The following LYPLA1 variants were observed in gnomAD, a reference collection of about 807,000 sequenced individuals.
The protein encoded by LYPLA1 is lysophospholipase 1.
Under a neutral mutation model 34.0 loss-of-function variants are expected in LYPLA1, and 17 were observed. That is an observed-to-expected ratio of 0.50 (90% CI 0.34 to 0.75). The LOEUF (loss-of-function observed/expected upper bound fraction) is 0.75, where lower values mean the gene tolerates loss of function less well. Ranked by LOEUF, LYPLA1 falls within the 30% of genes least tolerant of loss-of-function variation. The pLI is 0.01. For synonymous variants in LYPLA1, 98 were observed against 100.8 expected (o/e 0.97, Z 0.17); for missense variants, 203 against 288.8 (o/e 0.70, Z 2.15).
At chr8:54,075,235 A>T (rs1353677591) in intron 2 of LYPLA1, among the ~76,000 whole-genome samples, 3 of 152,262 alleles carry the variant, frequency 2.0e-5, no homozygotes, top group Middle Eastern at 3.2e-3. Flanking sequence ...CTGCAAAGAC[A>T]GAAGCAGAAC....
chr8:54,101,606 G>T, intron 1 of LYPLA1, 149 bp downstream of exon 1: 1 of 1,149,526 alleles, frequency 8.7e-7, no homozygotes, highest in Non-Finnish European at 1.1e-6. Context: ...CGCGGACCCG[G>T]CCGCGCGGAC....
intron 2 of LYPLA1, among the ~76,000 whole-genome samples, chr8:54,092,613 A>G (rs1399731887): frequency 1.3e-5 from 2 of 152,198 alleles, no homozygotes; most frequent in Non-Finnish European, 1.5e-5. Flanking sequence ...GACTCCAACC[A>G]TATTAATATA....
intron 3 of LYPLA1, among the ~76,000 whole-genome samples, chr8:54,064,314 G>C (rs887619099): frequency 2.0e-5 from 3 of 152,176 alleles, no homozygotes; most frequent in Non-Finnish European, 4.4e-5. Context: ...CTACTTGGGA[G>C]GCTGAGGCAG....
chr8:54,096,655 C>A (rs61271559), intron 2 of LYPLA1, among the ~76,000 whole-genome samples: 58,158 of 151,588 alleles, frequency 0.38, 15,867 homozygotes, highest in East Asian at 0.74. Flanking sequence ...AGGCAGGAGA[C>A]TCACTTGAAC....
intron 6 of LYPLA1, among the ~76,000 whole-genome samples, chr8:54,054,066 T>C (rs1171427553): frequency 6.6e-6 from 1 of 152,196 alleles, no homozygotes; most frequent in Non-Finnish European, 1.5e-5. Context: ...CTGCAACCTC[T>C]GGCTCCTGGG....
intron 2 of LYPLA1, chr8:54,073,170 G>A (rs1334584136): frequency 3.5e-5 from 26 of 750,592 alleles, no homozygotes; most frequent in Non-Finnish European, 5.0e-6. Flanking sequence ...AGCCCCAGGA[G>A]GAGCCTGCAA....
rs1015967268 is a variant in LYPLA1, at chr8:54,056,375, T to C, written c.287-1242A>G. ...AAAATTGGGGAAAATCTCCAGGACA[T>C]TGGTCTGGGCAAAAATTTCTTGAGA... On this transcript the variant is annotated intron_variant, in intron 5 of 8. Coordinates refer to ENST00000316963, the MANE Select transcript of LYPLA1 (RefSeq NM_006330.4). 1.2e-4 allele frequency among the ~76,000 whole-genome samples: 18 copies of C among 152,284 alleles called. No homozygotes were observed. In the East Asian group the frequency reaches 1.3e-3, roughly 11 times the overall value.
At chr8:54,099,693 AT>A (rs534394841) in intron 2 of LYPLA1, among the ~76,000 whole-genome samples, 328 of 143,030 alleles carry the variant, frequency 2.3e-3, no homozygotes, top group Middle Eastern at 3.6e-3. Context: ...GCCTAATGGC[AT>A]TTTTTTTTTT....
chr8:54,062,748 T>C (rs1806750870), intron 4 of LYPLA1, among the ~76,000 whole-genome samples: 2 of 152,038 alleles, frequency 1.3e-5, no homozygotes. Context: ...CTGACCTCAG[T>C]TGATCAGCCT....
chr8:54,070,550 C>T (rs994768429), intron 2 of LYPLA1, among the ~76,000 whole-genome samples: 7 of 152,108 alleles, frequency 4.6e-5, no homozygotes, highest in African/African-American at 1.7e-4. Context: ...ATGGTGAAAC[C>T]TGTCTCTACT....
chr8:54,077,849 C>T (rs143017916), intron 2 of LYPLA1, among the ~76,000 whole-genome samples: 131 of 152,294 alleles, frequency 8.6e-4, no homozygotes, highest in Middle Eastern at 3.4e-3. Flanking sequence ...AGGGTACTAA[C>T]TCCAGGAGAA....
chr8:54,101,854 G>A lies in LYPLA1; in HGVS notation c.-31C>T, dbSNP rs1041291999. On this transcript the variant is annotated 5_prime_UTR_variant, in exon 1 of 9. Transcript: ENST00000316963. ...GCCTCAGCTCACAGCGCAAGCGGAA[G>A]GAAGAGCGGGCGCCCGGCCGCGGCC... is the stretch of plus-strand genomic sequence containing the variant. 15 of 1,224,796 alleles carry A rather than the reference G, an allele frequency of 1.2e-5. No homozygotes were observed. Among genetic ancestry groups the A allele is most frequent in the African/African-American group, 1.1e-4 (7 of 63,750 alleles). 75.9% of individuals were successfully genotyped at this position (1,224,796 alleles called of 1,614,324 possible).
intron 2 of LYPLA1, among the ~76,000 whole-genome samples, chr8:54,092,258 G>A (rs943635992): frequency 6.6e-6 from 1 of 150,420 alleles, no homozygotes; most frequent in Non-Finnish European, 1.5e-5. Context: ...AAGAGAAGGA[G>A]AAGGAGGAGA....
At chr8:54,092,154 C>T (rs758137041) in intron 2 of LYPLA1, among the ~76,000 whole-genome samples, 44 of 146,476 alleles carry the variant, frequency 3.0e-4, no homozygotes, top group African/African-American at 6.9e-4. Flanking sequence ...GAGGCAGAGG[C>T]GGCGGCGGAG....
intron 6 of LYPLA1, chr8:54,054,750 C>T (rs1055691814): frequency 4.6e-6 from 1 of 215,702 alleles, no homozygotes; most frequent in Non-Finnish European, 9.0e-6. Flanking sequence ...TCTTGTCTTC[C>T]ACTTTACTGT....
intron 3 of LYPLA1, among the ~76,000 whole-genome samples, chr8:54,063,892 G>A (rs1806849591): frequency 6.6e-6 from 1 of 152,130 alleles, no homozygotes; most frequent in Admixed American, 6.6e-5. Context: ...ATTCAAGTCT[G>A]TGATTAAAAA....
chr8:54,057,277 C>T (rs754880391), intron 5 of LYPLA1, among the ~76,000 whole-genome samples: 15 of 152,148 alleles, frequency 9.9e-5, no homozygotes, highest in Non-Finnish European at 2.2e-4. Flanking sequence ...AAGTATCTTT[C>T]TTTTAACTAT....
At chr8:54,077,526 TG>T (rs1159744879) in intron 2 of LYPLA1, among the ~76,000 whole-genome samples, 1 of 152,196 alleles carries the variant, frequency 6.6e-6, no homozygotes, top group African/African-American at 2.4e-5. Flanking sequence ...CTGGGCACGG[TG>T]GCTCACGCCT....
intron 2 of LYPLA1, among the ~76,000 whole-genome samples, chr8:54,068,102 AT>A (rs1807212070): frequency 6.6e-6 from 1 of 152,184 alleles, no homozygotes. Flanking sequence ...CTTACATAAC[AT>A]TAACTATAAC....
Sources: allele counts gnomAD v4.1 joint callset (sites outside exome capture counted in the v4.1 genomes callset), GRCh38; gene constraint gnomAD v4.1.1; transcripts MANE v1.5; gene names NCBI Gene and HGNC (gene_info 2026-07-23, HGNC 2026-07-21).